The following WDR19 variants were observed in gnomAD, a reference collection of about 807,000 sequenced individuals.
WDR19 encodes WD repeat-containing protein 19.
A neutral mutation model predicts 180.0 loss-of-function variants in WDR19; 121 were observed. The observed-to-expected ratio is 0.67, with a 90% CI of 0.58 to 0.78. WDR19 has a LOEUF of 0.78. Among genes scored for constraint, WDR19 ranks in the 30% least tolerant of loss-of-function variants. The pLI is 0.00. For missense variants in WDR19, 1,450 were observed against 1,640.7 expected (o/e 0.88, Z 2.01); for synonymous variants, 497 against 540.7 (o/e 0.92, Z 1.12).
intron 3 of WDR19, 36 bp downstream of exon 3, chr4:39,186,640 G>C (rs1385701912): frequency 7.1e-7 from 1 of 1,399,770 alleles, no homozygotes; most frequent in Non-Finnish European, 9.7e-7. Context: ...AACCTGTCAA[G>C]TTTTGTTGCC....
intron 5 of WDR19, among the ~76,000 whole-genome samples, chr4:39,197,590 CTT>C (rs1726898071): frequency 6.6e-6 from 1 of 152,016 alleles, no homozygotes; most frequent in South Asian, 2.1e-4. Flanking sequence ...CCTTGGGACT[CTT>C]GAGGATTTAT....
intron 7 of WDR19, 79 bp downstream of exon 7, chr4:39,203,801 T>C: frequency 7.8e-7 from 1 of 1,282,150 alleles, no homozygotes; most frequent in Non-Finnish European, 1.1e-6. Flanking sequence ...CTTGGATGAC[T>C]AAAATAGTGA....
intron 24 of WDR19, among the ~76,000 whole-genome samples, chr4:39,250,800 G>A (rs912589947): frequency 2.0e-5 from 3 of 152,138 alleles, no homozygotes; most frequent in African/African-American, 7.2e-5. Flanking sequence ...CAACTTACAA[G>A]GGATGTGAAG....
At chr4:39,211,771 CAAAT>C (rs1041410166) in intron 9 of WDR19, among the ~76,000 whole-genome samples, 9 of 152,204 alleles carry the variant, frequency 5.9e-5, no homozygotes, top group African/African-American at 1.4e-4. Flanking sequence ...AAATTAGACC[CAAAT>C]AAATAGAGAG....
chr4:39,247,996 A>G (rs1732716922), intron 24 of WDR19, among the ~76,000 whole-genome samples: 1 of 152,224 alleles, frequency 6.6e-6, no homozygotes, highest in Non-Finnish European at 1.5e-5. Context: ...TTCAGGAAAT[A>G]CAGAGAATGC....
intron 4 of WDR19, among the ~76,000 whole-genome samples, chr4:39,191,095 C>A (rs968366657): frequency 6.6e-6 from 1 of 152,040 alleles, no homozygotes; most frequent in African/African-American, 2.4e-5. Flanking sequence ...AAAATTAAGA[C>A]CCAAGTAAAT....
intron 23 of WDR19, 36 bp downstream of exon 23, chr4:39,244,588 T>C (rs1249387927): frequency 2.5e-6 from 4 of 1,611,948 alleles, no homozygotes; most frequent in Non-Finnish European, 3.4e-6. Context: ...TGAACAGGAT[T>C]GGAAATGAAT....
At chr4:39,252,540 T>G (rs1577998366) in intron 24 of WDR19, among the ~76,000 whole-genome samples, 1 of 151,846 alleles carries the variant, frequency 6.6e-6, no homozygotes, top group African/African-American at 2.4e-5. Context: ...ATTAAAAAAT[T>G]TTTTAAAGAA....
At chr4:39,273,795 ACT>A (rs1735623942) in intron 32 of WDR19, 1 of 152,118 alleles carries the variant, frequency 6.6e-6, no homozygotes, top group African/African-American at 2.4e-5. Flanking sequence ...TAATAGCCTG[ACT>A]CTGTGTTCAC....
chr4:39,236,867 T>C (rs1731437336), intron 20 of WDR19, among the ~76,000 whole-genome samples: 1 of 152,246 alleles, frequency 6.6e-6, no homozygotes, highest in Admixed American at 6.5e-5. Context: ...GTCAATAGTC[T>C]TAATTGACAG....
chr4:39,207,011 C>T (rs111660541), intron 9 of WDR19, among the ~76,000 whole-genome samples: 1 of 152,066 alleles, frequency 6.6e-6, no homozygotes, highest in Non-Finnish European at 1.5e-5. Flanking sequence ...AATTTTAACT[C>T]GCTCAGGAAA....
intron 23 of WDR19, among the ~76,000 whole-genome samples, chr4:39,244,899 TA>T (rs1732343666): frequency 6.6e-6 from 1 of 151,856 alleles, no homozygotes; most frequent in African/African-American, 2.4e-5. Context: ...AATCAGCTTT[TA>T]CCTATAGGAG....
Position 39,224,909 on chromosome 4 carries a change from T to C in WDR19, c.1505T>C (p.Ile502Thr). The C allele has an allele frequency of 2.6e-6, 4 of 1,564,850 alleles. No homozygotes were observed. The highest frequency in any genetic ancestry group is 3.5e-6 in the Non-Finnish European group (4 of 1,154,072). Reference sequence around the variant, plus strand: ...ACTGGTGTCGTTCAGTATTTCTACATTGAAGACTGGCAATTCGTTAATGAT... The same window carrying C: ...ACTGGTGTCGTTCAGTATTTCTACACTGAAGACTGGCAATTCGTTAATGAT... ...TDTGVVQYFYIEDWQFVNDYR... is the reference protein window; with the variant it reads ...TDTGVVQYFYTEDWQFVNDYR... Residue 502 changes from isoleucine (I) to threonine (T), a missense_variant, in exon 15 of 37, where the codon ATT becomes ACT. Coordinates refer to ENST00000399820, the MANE Select transcript of WDR19 (RefSeq NM_025132.4).
intron 3 of WDR19, among the ~76,000 whole-genome samples, chr4:39,188,984 G>A (rs957727034): frequency 6.6e-6 from 1 of 151,622 alleles, no homozygotes; most frequent in Non-Finnish European, 1.5e-5. Context: ...GTGCAGTGGC[G>A]CGATCTTGGC....
chr4:39,226,874 A>C (rs1730318471), intron 15 of WDR19, among the ~76,000 whole-genome samples: 3 of 152,210 alleles, frequency 2.0e-5, no homozygotes, highest in African/African-American at 7.2e-5. Context: ...CCCTTGAGGA[A>C]TCGCCACACT....
chr4:39,188,479 CT>C (rs754522829), intron 3 of WDR19, among the ~76,000 whole-genome samples: 318 of 151,968 alleles, frequency 2.1e-3, no homozygotes, highest in Non-Finnish European at 3.5e-3. Flanking sequence ...CTTTAGGAGA[CT>C]GAGGCAGAGG....
chr4:39,193,802 G>A (rs1315923525), intron 4 of WDR19, among the ~76,000 whole-genome samples: 1 of 152,160 alleles, frequency 6.6e-6, no homozygotes, highest in African/African-American at 2.4e-5. Context: ...CAGGTAGCTG[G>A]GTGCCACTTT....
chr4:39,279,989 C>T (rs531951527), intron 36 of WDR19, among the ~76,000 whole-genome samples: 17 of 152,138 alleles, frequency 1.1e-4, no homozygotes, highest in African/African-American at 3.4e-4. Context: ...AGGCATGAGC[C>T]GCCACACCCA....
chr4:39,278,606 A>C lies in WDR19; in HGVS notation c.3985A>C (p.Ile1329Leu). 1.2e-6 allele frequency: 2 copies of C among 1,613,674 alleles called. No homozygotes were observed. Among genetic ancestry groups the C allele is most frequent in the Non-Finnish European group, 1.7e-6 (2 of 1,179,644 alleles). ...ERLNAAQLKK[I>L]SDCTQYLRTE... Reference sequence around the variant, plus strand: ...ATTAAACGCTGCTCAGCTGAAAAAGATTTCAGACTGTACCCAGTACCTGCG... The same window carrying C: ...ATTAAACGCTGCTCAGCTGAAAAAGCTTTCAGACTGTACCCAGTACCTGCG... Residue 1329 changes from isoleucine (I) to leucine (L), a missense_variant, in exon 36 of 37, where the codon ATT (isoleucine) becomes CTT (leucine). Ile to Leu is a conservative substitution (Grantham distance 5). Transcript: ENST00000399820.
Sources: allele counts gnomAD v4.1 joint callset (sites outside exome capture counted in the v4.1 genomes callset), GRCh38; gene constraint gnomAD v4.1.1; transcripts MANE v1.5; gene names NCBI Gene and HGNC (gene_info 2026-07-23, HGNC 2026-07-21).